Variants in WDR27 observed in about 807,000 individuals in gnomAD.
WDR27 encodes WD repeat domain 27, also known as WD repeat-containing protein 27.
A neutral mutation model predicts 114.4 loss-of-function variants in WDR27; 100 were observed. That is an observed-to-expected ratio of 0.87 (90% CI 0.74 to 1.03). The LOEUF (loss-of-function observed/expected upper bound fraction) is 1.03. Among genes scored for constraint, WDR27 ranks in the 50% least tolerant of loss-of-function variants. WDR27 has a pLI of 0.00. For synonymous variants in WDR27, 449 were observed against 423.1 expected (o/e 1.06, Z -0.75); for missense variants, 1,129 against 1,092.9 (o/e 1.03, Z -0.47).
At chr6:169,670,495 G>T in intron 4 of WDR27, 74 bp downstream of exon 4, 1 of 1,574,370 alleles carries the variant, frequency 6.4e-7, no homozygotes, top group Non-Finnish European at 8.7e-7. Context: ...AAAGACCGCT[G>T]GGCAAGGTCC....
At chr6:169,635,840 A>G (rs995553597) in intron 19 of WDR27, among the ~76,000 whole-genome samples, 41 of 152,354 alleles carry the variant, frequency 2.7e-4, no homozygotes, top group African/African-American at 9.4e-4. Context: ...ATACAAAACT[A>G]TGACCAAGAA....
At chr6:169,561,300 C>T (rs1242571887) in intron 25 of WDR27, among the ~76,000 whole-genome samples, 1 of 152,080 alleles carries the variant, frequency 6.6e-6, no homozygotes, top group Non-Finnish European at 1.5e-5. Flanking sequence ...CTCATGACCT[C>T]ATCACCTCCT....
chr6:169,675,640 G>A (rs3891969), intron 2 of WDR27, among the ~76,000 whole-genome samples: 40,069 of 151,972 alleles, frequency 0.26, 7,155 homozygotes, highest in East Asian at 0.83. Context: ...AACTCAAAGC[G>A]GGGGCTTCCA....
At chr6:169,634,802 A>T (rs1182139347) in intron 19 of WDR27, among the ~76,000 whole-genome samples, 1 of 152,166 alleles carries the variant, frequency 6.6e-6, no homozygotes, top group Non-Finnish European at 1.5e-5. Flanking sequence ...CAAATGCACC[A>T]GCCTTTTTCT....
chr6:169,501,262 G>A (rs1791192695), intron 25 of WDR27, among the ~76,000 whole-genome samples: 1 of 152,234 alleles, frequency 6.6e-6, no homozygotes, highest in African/African-American at 2.4e-5. Flanking sequence ...CCGGCAGGGA[G>A]CCCAGACCAG....
intron 1 of WDR27, among the ~76,000 whole-genome samples, chr6:169,696,900 C>T (rs1190599374): frequency 1.3e-5 from 2 of 152,142 alleles, no homozygotes; most frequent in African/African-American, 4.8e-5. Flanking sequence ...CACGACAGAG[C>T]GAGACCCTGT....
intron 25 of WDR27, among the ~76,000 whole-genome samples, chr6:169,553,660 C>T (rs527797588): frequency 5.1e-4 from 77 of 152,286 alleles, no homozygotes; most frequent in Middle Eastern, 3.4e-3. Flanking sequence ...TTAAGGCCTG[C>T]TTTGAAGGCT....
chr6:169,603,743 A>T (rs1808529140), intron 22 of WDR27, among the ~76,000 whole-genome samples: 1 of 152,208 alleles, frequency 6.6e-6, no homozygotes, highest in Non-Finnish European at 1.5e-5. Context: ...TCATCAAATG[A>T]GCAACTTTGG....
chr6:169,503,904 T>G (rs1465585946), intron 25 of WDR27, among the ~76,000 whole-genome samples: 1 of 152,078 alleles, frequency 6.6e-6, no homozygotes, highest in African/African-American at 2.4e-5. Context: ...TGTGCTGAAC[T>G]TCCATCCCTG....
chr6:169,697,618 T>C (rs923614433), intron 1 of WDR27, among the ~76,000 whole-genome samples: 13 of 152,320 alleles, frequency 8.5e-5, no homozygotes, highest in African/African-American at 2.4e-4. Context: ...GCCTTCTAGA[T>C]AGCAGTAGCA....
the WDR27 span, among the ~76,000 whole-genome samples, chr6:169,429,924 C>T: frequency 6.6e-6 from 1 of 152,188 alleles, no homozygotes; most frequent in Non-Finnish European, 1.5e-5. Flanking sequence ...CAGGTATTTG[C>T]CACGGTGTGG....
the WDR27 span, among the ~76,000 whole-genome samples, chr6:169,441,899 C>A: frequency 6.7e-6 from 1 of 149,620 alleles, no homozygotes; most frequent in Non-Finnish European, 1.5e-5. Flanking sequence ...TTTGACAATA[C>A]TCATATGCCA....
chr6:169,565,215 T>C (rs1308229108), intron 25 of WDR27, among the ~76,000 whole-genome samples: 1 of 152,344 alleles, frequency 6.6e-6, no homozygotes, highest in Non-Finnish European at 1.5e-5. Flanking sequence ...AACGTTGTTG[T>C]GTGTGCTTCT....
chr6:169,490,131 T>C (rs1390203239), intron 25 of WDR27, among the ~76,000 whole-genome samples: 1 of 152,204 alleles, frequency 6.6e-6, no homozygotes, highest in Admixed American at 6.5e-5. Context: ...GTCCACGGCA[T>C]ATTTCTTCAG....
intron 7 of WDR27, chr6:169,664,568 C>T: frequency 7.7e-7 from 1 of 1,294,548 alleles, no homozygotes; most frequent in South Asian, 1.6e-5. Context: ...CCTCTGGGAA[C>T]CCCAGGCCCC....
chr6:169,605,767 G>A (rs1328251529), intron 22 of WDR27, among the ~76,000 whole-genome samples: 3 of 152,010 alleles, frequency 2.0e-5, no homozygotes, highest in Non-Finnish European at 2.9e-5. Context: ...TAGACATATA[G>A]ACCAATGGAA....
intron 2 of WDR27, 75 bp from the exon 3 acceptor site, chr6:169,672,471 C>G: frequency 7.3e-7 from 1 of 1,372,686 alleles, no homozygotes; most frequent in Non-Finnish European, 9.7e-7. Flanking sequence ...AACTTCAAAC[C>G]TAAGAAATTA....
intron 24 of WDR27, among the ~76,000 whole-genome samples, chr6:169,580,145 TTG>T (rs1803132215): frequency 6.6e-6 from 1 of 152,246 alleles, no homozygotes; most frequent in East Asian, 1.9e-4. Flanking sequence ...CATGTTTTCC[TTG>T]TGTGTATGTT....
chr6:169,595,819 C>T (rs1806678101), intron 23 of WDR27, among the ~76,000 whole-genome samples: 1 of 147,106 alleles, frequency 6.8e-6, no homozygotes, highest in Non-Finnish European at 1.5e-5. Context: ...CTCAAGGGAA[C>T]ACCATTCAGT....
Sources: allele counts gnomAD v4.1 joint callset (sites outside exome capture counted in the v4.1 genomes callset), GRCh38; gene constraint gnomAD v4.1.1; transcripts MANE v1.5; gene names NCBI Gene and HGNC (gene_info 2026-07-23, HGNC 2026-07-21).